LUZP2: variants seen among roughly 807,000 people sequenced by gnomAD.
LUZP2 encodes leucine zipper protein 2.
LUZP2 carries 52 observed loss-of-function variants against 51.6 expected under a neutral mutation model. The ratio of observed to expected loss-of-function variants is 1.01; its 90% CI spans 0.81 to 1.27. LUZP2 has a LOEUF of 1.27. LUZP2 is among the 50% of genes most tolerant of loss of function. The pLI is 0.00. For missense variants in LUZP2, 436 were observed against 395.4 expected (o/e 1.10, Z -0.87); for synonymous variants, 154 against 137.3 (o/e 1.12, Z -0.85).
intron 1 of LUZP2, among the ~76,000 whole-genome samples, chr11:24,694,477 TATAGAATTA>T (rs1857179222): frequency 6.6e-6 from 1 of 152,084 alleles, no homozygotes; most frequent in African/African-American, 2.4e-5. Flanking sequence ...AGCAAATACT[TATAGAATTA>T]ATAGAAGTAC....
intron 5 of LUZP2, among the ~76,000 whole-genome samples, chr11:24,858,593 C>G (rs1251679837): frequency 2.6e-5 from 4 of 151,972 alleles, no homozygotes; most frequent in Non-Finnish European, 4.4e-5. Flanking sequence ...AGAGCTATTG[C>G]CAAATGCAAA....
chr11:24,961,305 T>G (rs973890635), intron 7 of LUZP2, among the ~76,000 whole-genome samples: 3 of 152,208 alleles, frequency 2.0e-5, no homozygotes, highest in South Asian at 2.1e-4. Flanking sequence ...GTATTCTTGT[T>G]AACTTTTTGT....
intron 9 of LUZP2, among the ~76,000 whole-genome samples, chr11:25,017,258 C>G (rs12285825): frequency 0.085 from 12,903 of 152,056 alleles, 1,771 homozygotes; most frequent in African/African-American, 0.29. Context: ...TTTCTATGAA[C>G]AAGCTTTTTT....
chr11:24,601,894 ATG>A (rs1491245920), intron 1 of LUZP2, among the ~76,000 whole-genome samples: 1 of 59,198 alleles, frequency 1.7e-5, no homozygotes. Flanking sequence ...ATATGTATAT[ATG>A]TATATATGTA....
intron 1 of LUZP2, among the ~76,000 whole-genome samples, chr11:24,604,323 C>A: frequency 6.6e-6 from 1 of 151,706 alleles, no homozygotes; most frequent in East Asian, 1.9e-4. Context: ...ACAGATATTT[C>A]TTGAAGATAT....
chr11:24,733,153 AATG>A (rs1253984255), intron 3 of LUZP2, among the ~76,000 whole-genome samples: 1 of 151,660 alleles, frequency 6.6e-6, no homozygotes, highest in Admixed American at 6.6e-5. Context: ...GGATTGAGCC[AATG>A]ATATCTATTA....
intron 9 of LUZP2, among the ~76,000 whole-genome samples, chr11:25,039,190 A>T (rs933172285): frequency 1.3e-5 from 2 of 152,048 alleles, no homozygotes; most frequent in Non-Finnish European, 2.9e-5. Flanking sequence ...TGGGGATTGG[A>T]CCTGAACTAG....
intron 1 of LUZP2, among the ~76,000 whole-genome samples, chr11:24,596,146 A>G (rs1853438644): frequency 6.6e-6 from 1 of 152,196 alleles, no homozygotes; most frequent in South Asian, 2.1e-4. Flanking sequence ...TACAACACAC[A>G]GGAATATAAT....
chr11:24,803,852 A>G (rs1849769389), intron 5 of LUZP2, among the ~76,000 whole-genome samples: 1 of 152,096 alleles, frequency 6.6e-6, no homozygotes, highest in African/African-American at 2.4e-5. Flanking sequence ...CTATTTATAT[A>G]AAAGTATTTC....
intron 4 of LUZP2, among the ~76,000 whole-genome samples, chr11:24,743,969 C>A (rs2716444): frequency 6.6e-6 from 1 of 151,816 alleles, no homozygotes; most frequent in Non-Finnish European, 1.5e-5. Context: ...TCTGTTGAGA[C>A]GATCATGGAA....
At chr11:25,057,650 C>T (rs11028393) in intron 10 of LUZP2, among the ~76,000 whole-genome samples, 71,922 of 151,830 alleles carry the variant, frequency 0.47, 17,791 homozygotes, top group Non-Finnish European at 0.53. Context: ...TCAATGTAAA[C>T]GTGTTTTGCA....
chr11:24,998,101 G>T (rs1052406622), intron 9 of LUZP2, among the ~76,000 whole-genome samples: 1 of 152,026 alleles, frequency 6.6e-6, no homozygotes, highest in Non-Finnish European at 1.5e-5. Context: ...TTGGCGATGC[G>T]GGCTCTGTTT....
chr11:24,497,759 A>T (rs1849871397), intron 1 of LUZP2, among the ~76,000 whole-genome samples: 2 of 152,172 alleles, frequency 1.3e-5, no homozygotes, highest in African/African-American at 4.8e-5. Context: ...GAGAAAACAG[A>T]TTAATCCTGG....
intron 1 of LUZP2, among the ~76,000 whole-genome samples, chr11:24,563,307 G>A (rs867940035): frequency 1.9e-4 from 29 of 152,088 alleles, no homozygotes; most frequent in African/African-American, 7.0e-4. Flanking sequence ...CCATGAAAAA[G>A]GACAAAATGT....
chr11:24,833,581 T>C (rs529452367), intron 5 of LUZP2, among the ~76,000 whole-genome samples: 1 of 152,124 alleles, frequency 6.6e-6, no homozygotes, highest in Admixed American at 6.5e-5. Flanking sequence ...AATTATCAGG[T>C]CAAATTTTAT....
intron 4 of LUZP2, among the ~76,000 whole-genome samples, chr11:24,760,355 G>C (rs1334460229): frequency 6.6e-6 from 1 of 152,082 alleles, no homozygotes; most frequent in Non-Finnish European, 1.5e-5. Context: ...TGGCTGAGTG[G>C]AGGAGTCCAT....
At chr11:24,724,518 C>T (rs1167715095) in intron 1 of LUZP2, among the ~76,000 whole-genome samples, 4 of 152,050 alleles carry the variant, frequency 2.6e-5, no homozygotes, top group South Asian at 2.1e-4. Context: ...TTGCAGTAAG[C>T]CGAGATCATG....
At chr11:24,717,527 C>A (rs917918282) in intron 1 of LUZP2, among the ~76,000 whole-genome samples, 4 of 151,406 alleles carry the variant, frequency 2.6e-5, no homozygotes, top group African/African-American at 9.7e-5. Flanking sequence ...CCTGCCTCAG[C>A]TTTCCGAGTA....
intron 1 of LUZP2, among the ~76,000 whole-genome samples, chr11:24,543,583 G>A: frequency 6.6e-6 from 1 of 152,020 alleles, no homozygotes; most frequent in Non-Finnish European, 1.5e-5. Context: ...CACTTTGGGA[G>A]GCCAAGGCGG....
Sources: gnomAD v4.1 joint callset for allele counts (sites outside exome capture counted in the v4.1 genomes callset) on GRCh38, gnomAD v4.1.1 for gene constraint, MANE v1.5 for transcripts, NCBI Gene and HGNC (gene_info 2026-07-23, HGNC 2026-07-21) for gene names.